Variants in NLRP9 observed in about 807,000 individuals in gnomAD.
The protein encoded by NLRP9 is NLR family pyrin domain containing 9.
NLRP9 carries 88 observed loss-of-function variants against 83.1 expected under a neutral mutation model. That is an observed-to-expected ratio of 1.06 (90% CI 0.89 to 1.26). The LOEUF is 1.26. NLRP9 is among the 50% of genes most tolerant of loss of function. The pLI is 0.00. For synonymous variants in NLRP9, 521 were observed against 447.6 expected (o/e 1.16, Z -2.07); for missense variants, 1,308 against 1,179.3 (o/e 1.11, Z -1.60).
chr19:55,711,477 G>A (rs199882356), intron 8 of NLRP9: 7 of 1,329,032 alleles, frequency 5.3e-6, no homozygotes, highest in Non-Finnish European at 5.9e-6. Flanking sequence ...GGCAACGTAA[G>A]TAGAAGATGT....
chr19:55,726,444 A>T (rs1988406322), intron 3 of NLRP9, among the ~76,000 whole-genome samples: 2 of 152,312 alleles, frequency 1.3e-5, no homozygotes, highest in African/African-American at 4.8e-5. Flanking sequence ...GCCTGGGCTC[A>T]TTCCTTCAAC....
In NLRP9 at chr19:55,729,786, G is replaced by A. The variant is rs1173458097; in HGVS notation, c.1994+45C>T. 2.0e-6 allele frequency: 3 copies of A among 1,536,688 alleles called. No individual in the cohort carries two copies. In the East Asian group the frequency reaches 6.8e-5, roughly 35 times the overall value. ...CCAAAAAGGCCACAGTAGAGAGAAG[G>A]AAACTCTGCCATTTGCTTAAAGGAC... On this transcript the variant is annotated intron_variant, in intron 3 of 8. Coordinates refer to ENST00000332836, the MANE Select transcript of NLRP9 (RefSeq NM_176820.4).
rs745963932 is a variant in NLRP9, at chr19:55,732,662, G to T, written c.1169C>A (p.Ala390Asp). Residue 390 changes from alanine to aspartate, a missense_variant, in exon 2 of 9, where the codon GCC (alanine) becomes GAC (aspartate). By Grantham distance (126) the Ala-to-Asp change is moderately radical (BLOSUM62 -2). Transcript: ENST00000332836. ...CAAAGCACACAGGCTTTTTAGTCGG[G>T]CTCTGTTCACCTTAGGTGGAAAACT... is the stretch of plus-strand genomic sequence containing the variant. ...SQSFPPKVNR[A>D]RLKSLCALAA... 7.7e-5 allele frequency: 124 copies of T among 1,614,052 alleles called. No individual in the cohort carries two copies. Among genetic ancestry groups the T allele is most frequent in the Non-Finnish European group, 1.0e-4 (119 of 1,180,048 alleles).
In NLRP9 at chr19:55,729,850, A is replaced by G; in HGVS notation, c.1975T>C (p.Cys659Arg). The change falls in exon 3 of 9, where the codon TGT (cysteine) becomes CGT (arginine). Residue 659 changes from cysteine (C) to arginine (R), a missense_variant. Transcript: ENST00000332836. ...ILCKALAQPV[C>R]KLRKLIFTSV... ...ACTTACATGAGTTTTCGGAGTTTAC[A>G]AACAGGCTGAGCCAGCGCTTTGCAA... The G allele has an allele frequency of 3.7e-6, 6 of 1,612,520 alleles. No individual in the cohort carries two copies. The highest frequency in any genetic ancestry group is 5.1e-6 in the Non-Finnish European group (6 of 1,179,436).
intron 1 of NLRP9, among the ~76,000 whole-genome samples, 171 bp downstream of exon 1, chr19:55,737,924 T>C (rs1225242785): frequency 6.6e-6 from 1 of 152,056 alleles, no homozygotes; most frequent in East Asian, 1.9e-4. Flanking sequence ...CCCCAGTTCA[T>C]CGCTGGCCCA....
intron 8 of NLRP9, among the ~76,000 whole-genome samples, chr19:55,710,283 GTC>G (rs1987657362): frequency 6.6e-6 from 1 of 152,092 alleles, no homozygotes; most frequent in Non-Finnish European, 1.5e-5. Flanking sequence ...CTGGGTCTCT[GTC>G]TCCTCTCTGA....
chr19:55,736,971 T>C (rs1988802029), intron 1 of NLRP9, among the ~76,000 whole-genome samples: 1 of 151,102 alleles, frequency 6.6e-6, no homozygotes. Context: ...AGAAGAAACA[T>C]GAACAAAACA....
intron 4 of NLRP9, among the ~76,000 whole-genome samples, chr19:55,721,726 C>T (rs910152224): frequency 3.3e-5 from 5 of 152,108 alleles, no homozygotes; most frequent in Admixed American, 2.6e-4. Flanking sequence ...GGGAGGGACC[C>T]AGTGGAAGAT....
chr19:55,711,757 C>T (rs369647317), intron 8 of NLRP9, 43 bp downstream of exon 8: 5 of 1,590,904 alleles, frequency 3.1e-6, no homozygotes, highest in East Asian at 4.5e-5. Flanking sequence ...GAACTAAGCT[C>T]GTTCTGAAGT....
intron 3 of NLRP9, among the ~76,000 whole-genome samples, chr19:55,725,703 A>G (rs1266955085): frequency 1.3e-5 from 2 of 152,102 alleles, no homozygotes; most frequent in African/African-American, 2.4e-5. Flanking sequence ...AGCCTGACCC[A>G]CTAACAGGTG....
At chr19:55,736,615 T>C (rs1988792008) in intron 1 of NLRP9, among the ~76,000 whole-genome samples, 3 of 151,808 alleles carry the variant, frequency 2.0e-5, no homozygotes, top group Non-Finnish European at 2.9e-5. Flanking sequence ...AGGAGGATCA[T>C]CTGAGGTCAG....
At chr19:55,715,558 C>G (rs1987976606) in intron 5 of NLRP9, among the ~76,000 whole-genome samples, 1 of 152,154 alleles carries the variant, frequency 6.6e-6, no homozygotes, top group Admixed American at 6.6e-5. Flanking sequence ...GTGACGCACA[C>G]CTGTAATCCC....
chr19:55,734,942 A>G (rs1988746604), intron 1 of NLRP9, among the ~76,000 whole-genome samples: 1 of 152,126 alleles, frequency 6.6e-6, no homozygotes, highest in South Asian at 2.1e-4. Context: ...GCCACAAAAT[A>G]TATATTTTAT....
chr19:55,729,978 A>G lies in NLRP9; in HGVS notation c.1847T>C (p.Leu616Pro). 6.2e-7 allele frequency: 1 copy of G among 1,613,080 alleles called. No individual in the cohort carries two copies. The highest frequency in any genetic ancestry group is 2.2e-5 in the East Asian group (1 of 44,888). The change falls in exon 3 of 9, where the codon CTC (leucine) becomes CCC (proline). Residue 616 changes from leucine to proline, a missense_variant. Coordinates refer to ENST00000332836, the MANE Select transcript of NLRP9 (RefSeq NM_176820.4). ...TGAGCAAAGCTCCCGCCAGTAGACG[A>G]GCTTCTCATTGTAACTATGAGAGAA... is the stretch of plus-strand genomic sequence containing the variant. ...SGCISDYNEK[L>P]VYWRELCSMF...
rs1161760787 is a variant in NLRP9, at chr19:55,711,830, C to T, written c.2813G>A (p.Ser938Asn). The T allele has an allele frequency of 1.2e-6, 2 of 1,613,296 alleles. No individual in the cohort carries two copies. Among genetic ancestry groups the T allele is most frequent in the Admixed American group, 3.3e-5 (2 of 60,000 alleles). ...DAVVVLCEAL[S>N]HPDCALQMLG... ...CATCTGCAGGGCACAGTCCGGGTGG[C>T]TCAATGCCTCACACAGCACCACCAC... is the stretch of plus-strand genomic sequence containing the variant. The change falls in exon 8 of 9, where the codon AGC (serine) becomes AAC (asparagine). Residue 938 changes from serine to asparagine, a missense_variant. Coordinates refer to ENST00000332836, the MANE Select transcript of NLRP9 (RefSeq NM_176820.4).
chr19:55,708,803 TCAC>T lies in NLRP9; in HGVS notation c.*106_*108del. On this transcript the variant is annotated 3_prime_UTR_variant, in exon 9 of 9. Transcript: ENST00000332836. Reference sequence around the variant, plus strand: ...GAACACTTAGGGAGTACCTCTGAAATCACAGCCCTGCTGCCATGATGTGCAATT... The same window carrying T: ...GAACACTTAGGGAGTACCTCTGAAATAGCCCTGCTGCCATGATGTGCAATT... 1.4e-6 allele frequency: 1 copy of T among 714,212 alleles called. No homozygotes were observed. The highest frequency in any genetic ancestry group is 2.5e-5 in the South Asian group (1 of 40,174). The allele number at this position is 714,212 out of a possible 1,614,324, so 44.2% of individuals were successfully genotyped here.
intron 3 of NLRP9, among the ~76,000 whole-genome samples, chr19:55,727,036 T>C (rs941707665): frequency 2.6e-5 from 4 of 152,148 alleles, no homozygotes; most frequent in African/African-American, 9.7e-5. Flanking sequence ...GTGGATCACA[T>C]GAGGTCAGGA....
In NLRP9 at chr19:55,729,807, A is replaced by G. The variant is rs200826710; in HGVS notation, c.1994+24T>C. 4.3e-5 allele frequency: 68 copies of G among 1,588,148 alleles called. 2 individuals are homozygous for G. Among genetic ancestry groups the G allele is most frequent in the Non-Finnish European group, 5.7e-5 (67 of 1,167,194 alleles). ...GAAGGAAACTCTGCCATTTGCTTAAAGGACAGGTTAACATAAAACTTACAT... is the reference window on the plus strand; with the variant it reads ...GAAGGAAACTCTGCCATTTGCTTAAGGGACAGGTTAACATAAAACTTACAT... On this transcript the variant is annotated intron_variant, in intron 3 of 8. Coordinates refer to ENST00000332836, the MANE Select transcript of NLRP9 (RefSeq NM_176820.4).
At chr19:55,720,086 T>C (rs1988177200) in intron 4 of NLRP9, among the ~76,000 whole-genome samples, 1 of 152,182 alleles carries the variant, frequency 6.6e-6, no homozygotes, top group Non-Finnish European at 1.5e-5. Flanking sequence ...AAAACAGATA[T>C]TTTTGGTCTC....
Sources: gnomAD v4.1 joint callset for allele counts (sites outside exome capture counted in the v4.1 genomes callset) on GRCh38, gnomAD v4.1.1 for gene constraint, MANE v1.5 for transcripts, NCBI Gene and HGNC (gene_info 2026-07-23, HGNC 2026-07-21) for gene names.